Variants in TBCB observed in about 807,000 individuals in gnomAD.
The protein encoded by TBCB is tubulin-folding cofactor B.
In TBCB, 18 loss-of-function variants were observed where a neutral mutation model predicts 29.2. The ratio of observed to expected loss-of-function variants is 0.62; its 90% CI spans 0.43 to 0.91. The LOEUF (loss-of-function observed/expected upper bound fraction) is 0.91, where lower values mean the gene tolerates loss of function less well. TBCB is among the 40% of genes least tolerant of loss of function. The pLI, the probability that TBCB is intolerant of heterozygous loss-of-function variation, is 0.00. For synonymous variants in TBCB, 172 were observed against 137.8 expected (o/e 1.25, Z -1.74); for missense variants, 336 against 337.6 (o/e 1.00, Z 0.04).
intron 5 of TBCB, 62 bp downstream of exon 5, chr19:36,125,585 C>G: frequency 6.2e-7 from 1 of 1,610,884 alleles, no homozygotes; most frequent in Non-Finnish European, 8.5e-7. Context: ...ATGCGTGCTG[C>G]TTGCTGAGCT....
At chr19:36,122,889 T>C (rs1411683821) in intron 4 of TBCB, among the ~76,000 whole-genome samples, 1 of 152,112 alleles carries the variant, frequency 6.6e-6, no homozygotes, top group Non-Finnish European at 1.5e-5. Context: ...CAACAGATAA[T>C]TTTTCAACCC....
chr19:36,123,298 A>G (rs1418983412), intron 4 of TBCB, among the ~76,000 whole-genome samples: 1 of 128,030 alleles, frequency 7.8e-6, no homozygotes, highest in Non-Finnish European at 1.6e-5. Flanking sequence ...GCATCTGGCT[A>G]TTGCCCAGGC....
intron 2 of TBCB, chr19:36,120,434 A>G (rs1161426508): frequency 6.5e-6 from 3 of 464,112 alleles, no homozygotes; most frequent in Non-Finnish European, 1.2e-5. Context: ...GGACTCTGTG[A>G]CTTTGGGGCC....
intron 4 of TBCB, 85 bp downstream of exon 4, chr19:36,121,803 C>T (rs1974058114): frequency 2.0e-6 from 3 of 1,508,040 alleles, no homozygotes; most frequent in Non-Finnish European, 2.7e-6. Context: ...CCTCGGAGAC[C>T]ACGCTCTGCC....
intron 2 of TBCB, chr19:36,120,453 T>C: frequency 6.1e-6 from 3 of 488,872 alleles, no homozygotes; most frequent in Non-Finnish European, 1.1e-5. Flanking sequence ...CCCTTGGCGA[T>C]GTTGATGCCA....
intron 1 of TBCB, 45 bp downstream of exon 1, chr19:36,115,719 T>TG (rs1290491565): frequency 1.4e-5 from 6 of 414,400 alleles, no homozygotes; most frequent in African/African-American, 1.6e-4. Context: ...GCGAAGAAAT[T>TG]GGGGGGTTCC....
intron 4 of TBCB, chr19:36,122,018 G>T: frequency 2.0e-6 from 1 of 495,560 alleles, no homozygotes; most frequent in African/African-American, 2.0e-5. Flanking sequence ...TCGCGGTGGG[G>T]AAACGGGCGG....
At chr19:36,121,486 C>T (rs759525452) in intron 3 of TBCB, 41 bp from the exon 4 acceptor site, 7 of 1,526,546 alleles carry the variant, frequency 4.6e-6, no homozygotes, top group East Asian at 2.4e-5. Context: ...CTGTTAGGCC[C>T]GGCCGACACC....
chr19:36,120,455 T>C lies in TBCB; in HGVS notation c.259-255T>C, dbSNP rs562187386. 35 of 498,488 alleles carry C rather than the reference T, an allele frequency of 7.0e-5. No homozygotes were observed. In the Admixed American group the frequency reaches 9.4e-4, roughly 13 times the overall value. 30.9% of individuals were successfully genotyped at this position (498,488 alleles called of 1,614,324 possible). A position where few individuals can be genotyped will look rare whatever the true frequency, so the allele number is the denominator to read the frequency against. On this transcript the variant is annotated intron_variant, in intron 2 of 5. Transcript: ENST00000221855. ...TGTGACTTTGGGGCCCTTGGCGATG[T>C]TGATGCCAGCAAGCGGGGAACTTCT...
At position 36,125,464 on chromosome 19, in the gene TBCB, C is replaced by G. The variant is rs775648395; in HGVS notation, c.561C>G (p.Phe187Leu). ...TTCTGTTGGCAGGTCTCACAGATTT[C>G]AAGCCTGGCTACTGGATTGGTGTCC... ...GTVMYVGLTD[F>L]KPGYWIGVRY... The change falls in exon 5 of 6, where the codon TTC becomes TTG. Residue 187 changes from phenylalanine (F) to leucine (L), a missense_variant. By Grantham distance (22) the Phe-to-Leu change is conservative. Coordinates refer to ENST00000221855, the MANE Select transcript of TBCB (RefSeq NM_001281.3). 36 of 1,614,118 alleles carry G rather than the reference C, an allele frequency of 2.2e-5. No individual in the cohort carries two copies. Among genetic ancestry groups the G allele is most frequent in the Middle Eastern group, 1.6e-4 (1 of 6,084 alleles).
intron 2 of TBCB, chr19:36,116,432 C>A: frequency 2.3e-6 from 1 of 428,568 alleles, no homozygotes; most frequent in African/African-American, 2.0e-5. Flanking sequence ...CTGGGAGAAT[C>A]AGAGAGGGCT....
intron 4 of TBCB, among the ~76,000 whole-genome samples, chr19:36,123,088 A>G (rs1974082698): frequency 6.6e-6 from 1 of 152,108 alleles, no homozygotes; most frequent in East Asian, 1.9e-4. Context: ...CACTGAGCAG[A>G]ATGCTTTCAA....
At chr19:36,117,966 A>T (rs981241078) in intron 2 of TBCB, 2 of 151,378 alleles carry the variant, frequency 1.3e-5, no homozygotes, top group African/African-American at 2.4e-5. Flanking sequence ...GGGTTTCACC[A>T]TGTTAGTCAG....
At position 36,116,056 on chromosome 19, in the gene TBCB, C is replaced by T. The variant is rs772468648; in HGVS notation, c.130C>T (p.Leu44=). The T allele has an allele frequency of 1.4e-5, 22 of 1,614,058 alleles. No homozygotes were observed. The East Asian group carries it at 2.9e-4, about 21-fold the overall frequency. ...CTCCTCACAGTGTAAACTGGAGTTG[C>T]TGGTGGGCAGCCCTGCTTCCTGCAT... ...IAEFKCKLEL[L]VGSPASCMEL... Residue 44 remains leucine, a synonymous_variant, in exon 2 of 6, where the codon CTG becomes TTG. Transcript: ENST00000221855.
chr19:36,123,695 T>C (rs1447083291), intron 4 of TBCB, among the ~76,000 whole-genome samples: 3 of 152,202 alleles, frequency 2.0e-5, no homozygotes, highest in African/African-American at 7.2e-5. Flanking sequence ...GCCAACATGG[T>C]GAAACCCCAT....
intron 5 of TBCB, 56 bp downstream of exon 5, chr19:36,125,579 G>A (rs746884656): frequency 6.4e-5 from 103 of 1,611,476 alleles, no homozygotes; most frequent in South Asian, 1.4e-4. Flanking sequence ...AAGTCCATGC[G>A]TGCTGCTTGC....
At chr19:36,121,320 AC>A (rs990317177) in intron 3 of TBCB, among the ~76,000 whole-genome samples, 22 of 151,584 alleles carry the variant, frequency 1.5e-4, no homozygotes, top group Non-Finnish European at 3.1e-4. Context: ...TGCAGGCGGC[AC>A]CCCTTCCATT....
chr19:36,123,391 G>A lies in TBCB; in HGVS notation c.547+1673G>A, dbSNP rs537308364. 2.6e-5 allele frequency among the ~76,000 whole-genome samples: 4 copies of A among 151,932 alleles called. No individual in the cohort carries two copies. The South Asian group carries it at 8.3e-4, about 32-fold the overall frequency. ...TCCTCCCACCTCGGCCTCCTGAGTA[G>A]CTGGGAATACAGGTACTCATCACCA... On this transcript the variant is annotated intron_variant, in intron 4 of 5. Transcript: ENST00000221855.
intron 4 of TBCB, 74 bp from the exon 5 acceptor site, chr19:36,125,377 A>G: frequency 5.2e-5 from 79 of 1,527,922 alleles, no homozygotes; most frequent in Non-Finnish European, 7.1e-5. Flanking sequence ...GCATGGATCC[A>G]GGGTGATCCT....
Sources: gnomAD v4.1 joint callset for allele counts (sites outside exome capture counted in the v4.1 genomes callset) on GRCh38, gnomAD v4.1.1 for gene constraint, MANE v1.5 for transcripts, NCBI Gene and HGNC (gene_info 2026-07-23, HGNC 2026-07-21) for gene names.